The following GRM7 variants were observed in gnomAD, a reference collection of about 807,000 sequenced individuals.
GRM7 encodes metabotropic glutamate receptor 7.
In GRM7, 35 loss-of-function variants were observed where a neutral mutation model predicts 84.5. The observed-to-expected ratio is 0.41, with a 90% CI of 0.32 to 0.55. The LOEUF (loss-of-function observed/expected upper bound fraction) is 0.55. Among genes scored for constraint, GRM7 ranks in the 20% least tolerant of loss-of-function variants. The pLI, the probability that GRM7 is intolerant of heterozygous loss-of-function variation, is 0.19. For synonymous variants in GRM7, 487 were observed against 455.1 expected, an observed-to-expected ratio of 1.07 and a Z score of -0.89; for missense variants, 1,003 against 1,194.6, an observed-to-expected ratio of 0.84 and a Z score of 2.36.
intron 8 of GRM7, among the ~76,000 whole-genome samples, chr3:7,652,029 G>A (rs1042470850): frequency 6.6e-6 from 1 of 152,108 alleles, no homozygotes; most frequent in Non-Finnish European, 1.5e-5. Context: ...AACATTTGGG[G>A]GGAAAAAATG....
chr3:7,383,812 T>C (rs1005756433), intron 4 of GRM7, among the ~76,000 whole-genome samples: 1 of 152,206 alleles, frequency 6.6e-6, no homozygotes, highest in Non-Finnish European at 1.5e-5. Flanking sequence ...ATATGAAATC[T>C]ATCTAAAGTT....
intron 4 of GRM7, among the ~76,000 whole-genome samples, chr3:7,373,209 C>G (rs1694211933): frequency 6.6e-6 from 1 of 152,132 alleles, no homozygotes; most frequent in Non-Finnish European, 1.5e-5. Flanking sequence ...ACACTGCTCC[C>G]TAAATCCTAT....
At chr3:7,254,152 C>T (rs1698113895) in intron 2 of GRM7, among the ~76,000 whole-genome samples, 1 of 152,144 alleles carries the variant, frequency 6.6e-6, no homozygotes. Flanking sequence ...AGAAGCAGGG[C>T]AAGTTTCATG....
intron 1 of GRM7, among the ~76,000 whole-genome samples, chr3:6,905,341 C>G (rs1397321880): frequency 1.3e-5 from 2 of 152,032 alleles, no homozygotes; most frequent in Non-Finnish European, 2.9e-5. Context: ...TCTGTATTCT[C>G]TATAGTTTTT....
At chr3:7,189,048 C>A (rs1452223372) in intron 2 of GRM7, among the ~76,000 whole-genome samples, 1 of 152,160 alleles carries the variant, frequency 6.6e-6, no homozygotes, top group Non-Finnish European at 1.5e-5. Flanking sequence ...TCTACGCAAG[C>A]CATTGCTGCC....
rs1361981057 is a variant in GRM7 at position 7,041,798 on chromosome 3, G to A, written c.520-104654G>A. ...GGTGGCAGCCCCTAGGTAGATTGAG[G>A]TGGGGGCTGATCACCATGGAAAAAA... On this transcript the variant is annotated intron_variant, in intron 1 of 9. Coordinates refer to ENST00000357716, the MANE Select transcript of GRM7 (RefSeq NM_000844.4). Among the ~76,000 whole-genome samples the A allele has an allele frequency of 2.6e-5, 4 of 152,174 alleles. No individual in the cohort carries two copies. The East Asian group carries it at 7.7e-4, about 29-fold the overall frequency.
chr3:6,884,490 T>TA (rs570917367), intron 1 of GRM7, among the ~76,000 whole-genome samples: 316 of 152,324 alleles, frequency 2.1e-3, no homozygotes, highest in African/African-American at 7.2e-3. Context: ...CTTTTAGTTA[T>TA]AAAAAACATC....
At chr3:7,596,367 G>A (rs186622112) in intron 8 of GRM7, among the ~76,000 whole-genome samples, 27 of 152,272 alleles carry the variant, frequency 1.8e-4, no homozygotes, top group Admixed American at 1.0e-3. Flanking sequence ...CACAATTCTG[G>A]AATTCAAGAG....
At chr3:7,547,299 C>T (rs1032992701) in intron 7 of GRM7, among the ~76,000 whole-genome samples, 2 of 149,756 alleles carry the variant, frequency 1.3e-5, no homozygotes, top group East Asian at 2.0e-4. Context: ...CTCCACCCCC[C>T]GGGTTCACGC....
chr3:7,367,939 A>C (rs1472146976), intron 4 of GRM7, among the ~76,000 whole-genome samples: 2 of 30,074 alleles, frequency 6.7e-5, no homozygotes, highest in Non-Finnish European at 1.2e-4. Flanking sequence ...ATTAATCCTC[A>C]AAAAAAAAAA....
chr3:7,470,858 T>G (rs537637324), intron 7 of GRM7, among the ~76,000 whole-genome samples: 1 of 152,218 alleles, frequency 6.6e-6, no homozygotes, highest in East Asian at 1.9e-4. Flanking sequence ...TTTTTTGCTT[T>G]GGGAAGCCAA....
chr3:7,517,764 G>A (rs1499081), intron 7 of GRM7, among the ~76,000 whole-genome samples: 71,830 of 152,000 alleles, frequency 0.47, 17,169 homozygotes, highest in East Asian at 0.53. Flanking sequence ...AACACTGTCT[G>A]GGGATTATCC....
At chr3:7,384,283 C>G (rs1365466021) in intron 4 of GRM7, among the ~76,000 whole-genome samples, 1 of 152,092 alleles carries the variant, frequency 6.6e-6, no homozygotes, top group Non-Finnish European at 1.5e-5. Context: ...CCCACCTTGA[C>G]CCCCCAAAGT....
intron 8 of GRM7, among the ~76,000 whole-genome samples, chr3:7,588,147 C>A (rs570109090): frequency 6.6e-6 from 1 of 152,248 alleles, no homozygotes; most frequent in East Asian, 1.9e-4. Flanking sequence ...AAATACTGCC[C>A]ATATACAGCC....
intron 2 of GRM7, among the ~76,000 whole-genome samples, chr3:7,172,520 C>G (rs996982725): frequency 6.6e-6 from 1 of 151,526 alleles, no homozygotes; most frequent in African/African-American, 2.4e-5. Context: ...CCAGGACATC[C>G]GTGAAAGACC....
rs58165323 is a variant in GRM7, at chr3:6,878,543, A to AAATAAT, written c.519+16647_519+16652dup. 1.7e-3 allele frequency among the ~76,000 whole-genome samples: 257 copies of AAATAAT among 150,366 alleles called. 1 individual carries two copies. The highest frequency in any genetic ancestry group is 5.8e-3 in the African/African-American group (235 of 40,850). ...ACTAGATATTTAAGAGATTAACATA[A>AAATAAT]AATAATAATAATAATACAAAAACAA... is the stretch of plus-strand genomic sequence containing the variant. On this transcript the variant is annotated intron_variant, in intron 1 of 9. Transcript: ENST00000357716.
intron 1 of GRM7, among the ~76,000 whole-genome samples, chr3:6,967,884 G>A (rs896498034): frequency 1.3e-5 from 2 of 152,112 alleles, no homozygotes; most frequent in African/African-American, 4.8e-5. Context: ...ATCAGCCTCT[G>A]GGGTGTGGAG....
At chr3:7,015,750 A>T (rs73027707) in intron 1 of GRM7, among the ~76,000 whole-genome samples, 1 of 152,170 alleles carries the variant, frequency 6.6e-6, no homozygotes, top group Non-Finnish European at 1.5e-5. Context: ...GTTCTTTGAC[A>T]GGTGAACCAC....
intron 4 of GRM7, among the ~76,000 whole-genome samples, chr3:7,319,369 T>C (rs1700692261): frequency 6.6e-6 from 1 of 151,978 alleles, no homozygotes; most frequent in Non-Finnish European, 1.5e-5. Context: ...TATCAAACAG[T>C]GTGTTAACAT....
Sources: gnomAD v4.1 joint callset for allele counts (sites outside exome capture counted in the v4.1 genomes callset) on GRCh38, gnomAD v4.1.1 for gene constraint, MANE v1.5 for transcripts, NCBI Gene and HGNC (gene_info 2026-07-23, HGNC 2026-07-21) for gene names.